Variants in AKAP19 observed in about 807,000 individuals in gnomAD.
AKAP19 encodes the protein A-kinase anchoring protein 19, also known as small A-kinase anchoring protein.
chr2:189,941,180 A>G, the AKAP19 span, among the ~76,000 whole-genome samples: 1 of 152,226 alleles, frequency 6.6e-6, no homozygotes, highest in East Asian at 1.9e-4. Context: ...TCCCAGACAA[A>G]TAAAAGCTGA....
At chr2:190,114,424 T>A in the AKAP19 span, among the ~76,000 whole-genome samples, 14 of 151,530 alleles carry the variant, frequency 9.2e-5, no homozygotes, top group Non-Finnish European at 1.8e-4. Context: ...TAAATTATAG[T>A]TTAGCTAGAA....
At chr2:189,893,769 T>C in the AKAP19 span, among the ~76,000 whole-genome samples, 3 of 152,152 alleles carry the variant, frequency 2.0e-5, no homozygotes, top group South Asian at 2.1e-4. Flanking sequence ...ATCAAAACAT[T>C]TGGGGAAAAA....
chr2:189,923,954 G>T, the AKAP19 span: 2 of 1,609,958 alleles, frequency 1.2e-6, no homozygotes, highest in East Asian at 2.2e-5. Context: ...AATTGAAAAG[G>T]AACAGAGCAA....
chr2:189,922,669 GTTCT>G, the AKAP19 span, among the ~76,000 whole-genome samples: 1 of 152,098 alleles, frequency 6.6e-6, no homozygotes, highest in Non-Finnish European at 1.5e-5. Context: ...CCTTCTTTTA[GTTCT>G]TATACTGTAA....
the AKAP19 span, among the ~76,000 whole-genome samples, chr2:190,123,618 G>T: frequency 6.6e-6 from 1 of 152,156 alleles, no homozygotes; most frequent in Non-Finnish European, 1.5e-5. Context: ...TGAATCCATA[G>T]CTTCTCTGAT....
chr2:189,997,153 T>C, the AKAP19 span, among the ~76,000 whole-genome samples: 1 of 152,226 alleles, frequency 6.6e-6, no homozygotes, highest in African/African-American at 2.4e-5. Flanking sequence ...AGTTAGCTGT[T>C]GGTTTCTCCT....
chr2:190,111,881 G>A, the AKAP19 span, among the ~76,000 whole-genome samples: 3 of 151,494 alleles, frequency 2.0e-5, no homozygotes, highest in Non-Finnish European at 4.4e-5. Context: ...CAACATCATG[G>A]TTTTTTTGTT....
At chr2:190,169,052 G>A in the AKAP19 span, among the ~76,000 whole-genome samples, 1 of 152,300 alleles carries the variant, frequency 6.6e-6, no homozygotes, top group Admixed American at 6.5e-5. Flanking sequence ...ACATATGCGA[G>A]ATTGGGTAAT....
the AKAP19 span, among the ~76,000 whole-genome samples, chr2:190,013,078 C>A: frequency 2.6e-5 from 4 of 152,082 alleles, no homozygotes; most frequent in Non-Finnish European, 5.9e-5. Context: ...ATTTTCTTTG[C>A]TTCTAGTATC....
chr2:189,958,995 G>T, the AKAP19 span, among the ~76,000 whole-genome samples: 2 of 152,076 alleles, frequency 1.3e-5, no homozygotes, highest in African/African-American at 2.4e-5. Flanking sequence ...AGTGAGGAAA[G>T]TGGTGACCGC....
At chr2:190,005,243 A>C in the AKAP19 span, among the ~76,000 whole-genome samples, 1 of 152,212 alleles carries the variant, frequency 6.6e-6, no homozygotes, top group African/African-American at 2.4e-5. Context: ...AGGTTGCCGC[A>C]GCTGGCTCAG....
the AKAP19 span, among the ~76,000 whole-genome samples, chr2:190,099,328 C>T: frequency 0.13 from 20,429 of 152,074 alleles, 1,486 homozygotes; most frequent in African/African-American, 0.18. Flanking sequence ...GGGTTATTAA[C>T]TGGCCTAATT....
the AKAP19 span, among the ~76,000 whole-genome samples, chr2:190,104,191 A>T: frequency 6.6e-6 from 1 of 152,334 alleles, no homozygotes; most frequent in East Asian, 1.9e-4. Flanking sequence ...TTAACTCAAG[A>T]TAGAGTAAAG....
At chr2:189,934,297 C>T in the AKAP19 span, among the ~76,000 whole-genome samples, 1 of 151,998 alleles carries the variant, frequency 6.6e-6, no homozygotes, top group South Asian at 2.1e-4. Context: ...GAACACATTT[C>T]CATTTACGTC....
the AKAP19 span, chr2:190,202,028 G>C: frequency 6.0e-6 from 1 of 167,024 alleles, no homozygotes; most frequent in Non-Finnish European, 1.5e-5. Flanking sequence ...AGGTAAAGCA[G>C]CATGCCCCAC....
At chr2:190,048,299 T>A in the AKAP19 span, among the ~76,000 whole-genome samples, 1 of 152,202 alleles carries the variant, frequency 6.6e-6, no homozygotes, top group Non-Finnish European at 1.5e-5. Context: ...TAGTCACATC[T>A]CTCTTCCTCT....
the AKAP19 span, among the ~76,000 whole-genome samples, chr2:190,016,063 T>A: frequency 1.3e-5 from 2 of 152,196 alleles, no homozygotes; most frequent in African/African-American, 4.8e-5. Flanking sequence ...CTTTCTCACA[T>A]CTTTCTGTTT....
chr2:190,023,299 C>T, the AKAP19 span, among the ~76,000 whole-genome samples: 2 of 152,038 alleles, frequency 1.3e-5, no homozygotes, highest in Non-Finnish European at 2.9e-5. Context: ...AGTTGAAGAA[C>T]ATCTGAGGTC....
chr2:189,927,179 T>A, the AKAP19 span, among the ~76,000 whole-genome samples: 1 of 152,038 alleles, frequency 6.6e-6, no homozygotes, highest in Non-Finnish European at 1.5e-5. Context: ...CAGGCATGAG[T>A]TCCCATGCCC....
Sources: gnomAD v4.1 joint callset for allele counts (sites outside exome capture counted in the v4.1 genomes callset) on GRCh38, gnomAD v4.1.1 for gene constraint, MANE v1.5 for transcripts, NCBI Gene and HGNC (gene_info 2026-07-23, HGNC 2026-07-21) for gene names.